The following EVL variants were observed in gnomAD, a reference collection of about 807,000 sequenced individuals.
The protein encoded by EVL is ena/VASP-like protein.
Under a neutral mutation model 59.6 loss-of-function variants are expected in EVL, and 21 were observed. That is an observed-to-expected ratio of 0.35 (90% CI 0.25 to 0.51). The LOEUF is 0.51. EVL is among the 20% of genes least tolerant of loss of function. The pLI, the probability that EVL is intolerant of heterozygous loss-of-function variation, is 0.97. For synonymous variants in EVL, 198 were observed against 203.5 expected (o/e 0.97, Z 0.23); for missense variants, 462 against 546.6 (o/e 0.85, Z 1.54).
Position 100,128,710 on chromosome 14 carries a change from G to T in EVL, c.679G>T (p.Ala227Ser). The T allele has an allele frequency of 1.2e-6, 2 of 1,605,148 alleles. No individual in the cohort carries two copies. Among genetic ancestry groups the T allele is most frequent in the Non-Finnish European group, 1.7e-6 (2 of 1,178,548 alleles). ...CGAGAGCTCCATGTCAGGACTGGCC[G>T]CTGCCATAGCTGGGGCCAAGCTGAG... ...HDESSMSGLA[A>S]AIAGAKLRRV... Residue 227 changes from alanine to serine, a missense_variant, in exon 6 of 14, where the codon GCT becomes TCT. Ala to Ser is a moderately conservative substitution (Grantham distance 99). Coordinates refer to ENST00000392920, the MANE Select transcript of EVL (RefSeq NM_016337.3).
chr14:100,125,047 G>GAC (rs10569974), intron 4 of EVL, among the ~76,000 whole-genome samples: 26 of 144,470 alleles, frequency 1.8e-4, no homozygotes, highest in South Asian at 9.0e-4. Context: ...CATGTGGATA[G>GAC]ACACACACAC....
intron 1 of EVL, among the ~76,000 whole-genome samples, chr14:99,976,942 C>A (rs1443609136): frequency 6.6e-6 from 1 of 152,188 alleles, no homozygotes; most frequent in Non-Finnish European, 1.5e-5. Context: ...GTATTTCTTA[C>A]ATTTTTCCCA....
At chr14:99,996,504 A>G (rs1015406583) in intron 1 of EVL, among the ~76,000 whole-genome samples, 2 of 152,144 alleles carry the variant, frequency 1.3e-5, no homozygotes, top group African/African-American at 4.8e-5. Flanking sequence ...CTTCAATTCT[A>G]TTTCTCAATT....
chr14:100,023,751 C>T (rs912268852), intron 1 of EVL, among the ~76,000 whole-genome samples: 3 of 152,274 alleles, frequency 2.0e-5, no homozygotes, highest in Middle Eastern at 3.4e-3. Context: ...CATGAGCCAC[C>T]GTACCCAGCC....
intron 1 of EVL, among the ~76,000 whole-genome samples, chr14:100,027,949 A>G (rs572428996): frequency 6.6e-6 from 1 of 152,352 alleles, no homozygotes; most frequent in South Asian, 2.1e-4. Flanking sequence ...TACTGGGATT[A>G]CAGGCATGAG....
intron 1 of EVL, among the ~76,000 whole-genome samples, chr14:100,050,232 C>CT (rs1342639063): frequency 2.6e-5 from 4 of 152,142 alleles, no homozygotes; most frequent in Non-Finnish European, 5.9e-5. Flanking sequence ...CTTCCTTGTA[C>CT]TTTGAGTTTT....
At chr14:100,048,586 T>TA (rs2061593637) in intron 1 of EVL, among the ~76,000 whole-genome samples, 3 of 152,204 alleles carry the variant, frequency 2.0e-5, no homozygotes, top group Non-Finnish European at 2.9e-5. Flanking sequence ...AAGTTTTACA[T>TA]ACAGTTAACA....
intron 1 of EVL, among the ~76,000 whole-genome samples, chr14:99,976,224 A>ATTTATTT (rs2060769421): frequency 6.7e-6 from 1 of 148,368 alleles, no homozygotes; most frequent in African/African-American, 2.5e-5. Context: ...TTATTTATTT[A>ATTTATTT]AGTGACAGGG....
intron 2 of EVL, among the ~76,000 whole-genome samples, chr14:100,095,463 G>A (rs1189182175): frequency 6.6e-6 from 1 of 152,146 alleles, no homozygotes; most frequent in East Asian, 1.9e-4. Flanking sequence ...AGTTAACTTT[G>A]CTGGTTCTTA....
At chr14:100,061,869 G>C (rs1415087330), upstream of EVL, among the ~76,000 whole-genome samples, 1 of 151,934 alleles carries the variant, frequency 6.6e-6, no homozygotes, top group Non-Finnish European at 1.5e-5. Flanking sequence ...TTATCTTAAA[G>C]TTCTTCATCC....
At chr14:100,064,428 T>C (rs1421541007), upstream of EVL, among the ~76,000 whole-genome samples, 5 of 152,222 alleles carry the variant, frequency 3.3e-5, no homozygotes, top group East Asian at 5.8e-4. Flanking sequence ...CCTGTGGAGA[T>C]AGGCAAAATA....
chr14:100,061,460 C>CAA (rs869039779), upstream of EVL, among the ~76,000 whole-genome samples: 38 of 64,534 alleles, frequency 5.9e-4, no homozygotes, highest in African/African-American at 1.3e-3. Flanking sequence ...CCTCAGGCTG[C>CAA]AAAAAAAAAA....
At chr14:100,031,076 G>A (rs559640900) in intron 1 of EVL, among the ~76,000 whole-genome samples, 2 of 152,290 alleles carry the variant, frequency 1.3e-5, no homozygotes, top group South Asian at 4.1e-4. Context: ...TACATTCTGG[G>A]GTGGTTCTCC....
intron 4 of EVL, among the ~76,000 whole-genome samples, chr14:100,126,033 A>T (rs1888050073): frequency 6.6e-6 from 1 of 152,052 alleles, no homozygotes; most frequent in South Asian, 2.1e-4. Flanking sequence ...GGCCTGGATG[A>T]TTTCTTAAAG....
At chr14:100,058,971 G>A (rs552949152) in intron 1 of EVL, among the ~76,000 whole-genome samples, 1 of 152,334 alleles carries the variant, frequency 6.6e-6, no homozygotes, top group African/African-American at 2.4e-5. Context: ...CAGAGGAAAT[G>A]AGGGGTGAAA....
In EVL at chr14:100,084,752, T is replaced by A; in HGVS notation, c.77T>A (p.Val26Glu). The A allele has an allele frequency of 2.5e-6, 4 of 1,614,126 alleles. No homozygotes were observed. Among genetic ancestry groups the A allele is most frequent in the Non-Finnish European group, 3.4e-6 (4 of 1,180,032 alleles). The change falls in exon 2 of 14, where the codon GTA becomes GAA. Residue 26 changes from valine (V) to glutamate (E), a missense_variant. Val to Glu is a moderately radical substitution (Grantham distance 121). Transcript: ENST00000392920. Reference protein sequence around the residue: ...MVYDDTSKKWVPIKPGQQGFS... With the variant: ...MVYDDTSKKWEPIKPGQQGFS... ...TACGATGACACCAGTAAGAAATGGG[T>A]ACCAATCAAACCTGGCCAGCAGGGA...
At chr14:100,065,844 C>T (rs2061919552) in intron 1 of EVL, among the ~76,000 whole-genome samples, 1 of 152,296 alleles carries the variant, frequency 6.6e-6, no homozygotes, top group African/African-American at 2.4e-5. Context: ...TGTTGTTTAG[C>T]TCAGAGGTAC....
Position 100,141,263 on chromosome 14 carries a change from C to T in EVL, c.1161+17C>T, listed in dbSNP as rs1889147115. The T allele has an allele frequency of 6.2e-7, 1 of 1,613,146 alleles. No homozygotes were observed. Among genetic ancestry groups the T allele is most frequent in the Middle Eastern group, 1.7e-4 (1 of 6,054 alleles). ...ATGAAGCAGGTGAGCATGCCCTGTGCCCTTCCCTCAAGAGGCTGAGGGCAG... is the reference window on the plus strand; with the variant it reads ...ATGAAGCAGGTGAGCATGCCCTGTGTCCTTCCCTCAAGAGGCTGAGGGCAG... On this transcript the variant is annotated intron_variant, in intron 12 of 13. Transcript: ENST00000392920.
At chr14:100,049,842 C>T (rs2061617368) in intron 1 of EVL, among the ~76,000 whole-genome samples, 1 of 152,188 alleles carries the variant, frequency 6.6e-6, no homozygotes, top group Non-Finnish European at 1.5e-5. Context: ...CCCCAATCTA[C>T]TTTTTTCTCT....
Sources: allele counts gnomAD v4.1 joint callset (sites outside exome capture counted in the v4.1 genomes callset), GRCh38; gene constraint gnomAD v4.1.1; transcripts MANE v1.5; gene names NCBI Gene and HGNC (gene_info 2026-07-23, HGNC 2026-07-21).